The following CUX2 variants were observed in gnomAD, a reference collection of about 807,000 sequenced individuals.
CUX2 encodes cut like homeobox 2, also known as homeobox protein cut-like 2.
Under a neutral mutation model 144.8 loss-of-function variants are expected in CUX2, and 40 were observed. The ratio of observed to expected loss-of-function variants is 0.28; its 90% CI spans 0.21 to 0.36. The LOEUF (loss-of-function observed/expected upper bound fraction) is 0.36, where lower values mean the gene tolerates loss of function less well. CUX2 is among the 10% of genes least tolerant of loss of function. CUX2 has a pLI of 1.00. For synonymous variants in CUX2, 827 were observed against 875.6 expected, an observed-to-expected ratio of 0.94 and a Z score of 0.98; for missense variants, 1,615 against 1,994.0, an observed-to-expected ratio of 0.81 and a Z score of 3.62.
chr12:111,264,900 C>T (rs1447743040), intron 4 of CUX2, among the ~76,000 whole-genome samples: 3 of 151,970 alleles, frequency 2.0e-5, no homozygotes, highest in African/African-American at 7.2e-5. Flanking sequence ...AGATAAGAGT[C>T]GATTGTTGGT....
rs1869403418 is a variant in CUX2, at chr12:111,035,629, T to TTTTTTTA, written c.63+1389_63+1390insTTTTTTA. Reference sequence around the variant, plus strand: ...AGGGACCCACTTTTTTTTTTTTTTTTAATCCGCCGGCAAATCTCGTTAAGT... The same window carrying TTTTTTTA: ...AGGGACCCACTTTTTTTTTTTTTTTTTTTTTTAAATCCGCCGGCAAATCTCGTTAAGT... On this transcript the variant is annotated intron_variant, in intron 1 of 21. Transcript: ENST00000261726. This position sits in a 1 kb window ranked among gnomAD's most constrained non-coding sequence, Gnocchi z 6.0. 6.6e-6 allele frequency among the ~76,000 whole-genome samples: 1 copy of TTTTTTTA among 150,784 alleles called. No homozygotes were observed. The highest frequency in any genetic ancestry group is 2.4e-5 in the African/African-American group (1 of 40,974).
chr12:111,101,222 C>T (rs1291823885), intron 1 of CUX2, among the ~76,000 whole-genome samples: 2 of 152,122 alleles, frequency 1.3e-5, no homozygotes, highest in Non-Finnish European at 2.9e-5. Context: ...GGCTGGTGCC[C>T]CAGGATTGGT....
At chr12:111,222,119 T>G (rs1881888100) in intron 3 of CUX2, among the ~76,000 whole-genome samples, 1 of 152,230 alleles carries the variant, frequency 6.6e-6, no homozygotes, top group Non-Finnish European at 1.5e-5. Flanking sequence ...GATGGATGGA[T>G]TGCAACATGC....
chr12:111,315,668 G>A (rs1267501130), intron 16 of CUX2, among the ~76,000 whole-genome samples: 3 of 152,084 alleles, frequency 2.0e-5, no homozygotes, highest in Non-Finnish European at 4.4e-5. Context: ...GCAGTGAGCC[G>A]AGATCGCGCC....
intron 4 of CUX2, chr12:111,270,403 G>A (rs889004553): frequency 3.9e-5 from 6 of 152,096 alleles, no homozygotes; most frequent in Non-Finnish European, 5.9e-5. Context: ...CTGTAATTAC[G>A]AAAGAAAACC....
intron 1 of CUX2, among the ~76,000 whole-genome samples, chr12:111,069,600 G>T (rs73413530): frequency 0.063 from 9,374 of 149,420 alleles, 975 homozygotes; most frequent in African/African-American, 0.22. Context: ...GAGGTTAGAA[G>T]TTTGAGATCA....
At chr12:111,199,573 G>C (rs1219627489) in intron 1 of CUX2, among the ~76,000 whole-genome samples, 1 of 152,192 alleles carries the variant, frequency 6.6e-6, no homozygotes. Context: ...GGAATGAGAT[G>C]GGTGGAGAGA....
intron 3 of CUX2, among the ~76,000 whole-genome samples, chr12:111,228,281 A>T (rs1882279164): frequency 1.3e-5 from 2 of 152,078 alleles, no homozygotes; most frequent in African/African-American, 4.8e-5. Context: ...TTTGCTACTT[A>T]TTATAGTCAT....
chr12:111,152,278 C>T (rs1372901913), intron 1 of CUX2, among the ~76,000 whole-genome samples: 1 of 151,052 alleles, frequency 6.6e-6, no homozygotes, highest in Non-Finnish European at 1.5e-5. Context: ...GAGCAAGACT[C>T]TGTCTCAAAA....
Position 111,255,985 on chromosome 12 carries a change from A to G in CUX2, c.223-7776A>G, listed in dbSNP as rs1014632227. Among the ~76,000 whole-genome samples the G allele has an allele frequency of 1.1e-4, 16 of 152,084 alleles. 1 individual carries two copies. In the East Asian group the frequency reaches 2.7e-3, roughly 26 times the overall value. ...TTTACAGCCTCACAGATACAGGGGC[A>G]TGTACTTGGATGCCTCCCCTGGTGG... On this transcript the variant is annotated intron_variant, in intron 3 of 21. Coordinates refer to ENST00000261726, the MANE Select transcript of CUX2 (RefSeq NM_015267.4). The surrounding 1 kb of genome is among the most constrained non-coding windows in gnomAD (Gnocchi z 4.1).
chr12:111,278,767 G>A (rs1270185692), intron 4 of CUX2, among the ~76,000 whole-genome samples: 1 of 152,134 alleles, frequency 6.6e-6, no homozygotes, highest in Non-Finnish European at 1.5e-5. Flanking sequence ...CTTTCAATTT[G>A]TGTTTGTAAG....
At chr12:111,047,364 A>T (rs576621272) in intron 1 of CUX2, among the ~76,000 whole-genome samples, 7 of 152,170 alleles carry the variant, frequency 4.6e-5, no homozygotes, top group Non-Finnish European at 8.8e-5. Context: ...TTTTTTTTTA[A>T]AGCCAAGTCC....
chr12:111,217,977 C>A, intron 3 of CUX2, 40 bp downstream of exon 3: 1 of 1,610,794 alleles, frequency 6.2e-7, no homozygotes, highest in Non-Finnish European at 8.5e-7. Context: ...AAAGTGCCCC[C>A]AATGGCTCCC....
At chr12:111,313,205 G>A (rs1387578336) in intron 16 of CUX2, among the ~76,000 whole-genome samples, 4 of 149,592 alleles carry the variant, frequency 2.7e-5, no homozygotes, top group Admixed American at 2.7e-4. Context: ...GGGATTACAC[G>A]CACGCGCCAC....
At chr12:111,342,076 A>C in intron 21 of CUX2, 23 bp downstream of exon 21, 3 of 1,590,210 alleles carry the variant, frequency 1.9e-6, no homozygotes, top group Non-Finnish European at 1.7e-6. Flanking sequence ...GGGCGTACCC[A>C]CAGGCGGGTG....
At chr12:111,185,116 A>G (rs1879445090) in intron 1 of CUX2, among the ~76,000 whole-genome samples, 1 of 152,244 alleles carries the variant, frequency 6.6e-6, no homozygotes, top group Non-Finnish European at 1.5e-5. Flanking sequence ...TGAGTAAAAC[A>G]AAGGAAAGAA....
chr12:111,204,532 G>C (rs943662182), intron 1 of CUX2, among the ~76,000 whole-genome samples: 1 of 152,330 alleles, frequency 6.6e-6, no homozygotes, highest in African/African-American at 2.4e-5. Flanking sequence ...TTTAGGGAAA[G>C]ATTGTCCTCC....
intron 1 of CUX2, among the ~76,000 whole-genome samples, chr12:111,091,670 A>C (rs540044129): frequency 6.6e-6 from 1 of 152,296 alleles, no homozygotes; most frequent in East Asian, 1.9e-4. Context: ...AAATAGTAGA[A>C]GTTTGTCCTC....
intron 3 of CUX2, among the ~76,000 whole-genome samples, chr12:111,262,872 T>C (rs1269163256): frequency 2.6e-5 from 4 of 152,244 alleles, no homozygotes; most frequent in Admixed American, 6.5e-5. Context: ...ACATGTATCA[T>C]ATTTGAACTT....
Sources: gnomAD v4.1 joint callset for allele counts (sites outside exome capture counted in the v4.1 genomes callset) on GRCh38, gnomAD v4.1.1 for gene constraint, Gnocchi (gnomAD v3.1) non-coding constraint, MANE v1.5 for transcripts, NCBI Gene and HGNC (gene_info 2026-07-23, HGNC 2026-07-21) for gene names.